The following SENP5 variants were observed in gnomAD, a reference collection of about 807,000 sequenced individuals.
The protein encoded by SENP5 is SUMO specific peptidase 5, also known as sentrin-specific protease 5.
SENP5 carries 21 observed loss-of-function variants against 74.2 expected under a neutral mutation model. That is an observed-to-expected ratio of 0.28 (90% CI 0.20 to 0.41). The LOEUF (loss-of-function observed/expected upper bound fraction) is 0.41, where lower values mean the gene tolerates loss of function less well. Among genes scored for constraint, SENP5 ranks in the 10% least tolerant of loss-of-function variants. SENP5 has a pLI of 1.00. For missense variants in SENP5, 717 were observed against 889.1 expected, an observed-to-expected ratio of 0.81 and a Z score of 2.46; for synonymous variants, 311 against 312.7, an observed-to-expected ratio of 0.99 and a Z score of 0.06.
chr3:196,933,299 AGC>A lies in SENP5; in HGVS notation c.*2377_*2378del, dbSNP rs1716116480. On this transcript the variant is annotated 3_prime_UTR_variant, in exon 10 of 10. Transcript: ENST00000323460. ...CCAAAGTGCTGGGATTACAGGCGGG[AGC>A]CACCGTGCCTGGCCAATGTTAAGTA... is the stretch of plus-strand genomic sequence containing the variant. 6.6e-6 allele frequency: 1 copy of A among 151,978 alleles called. No homozygotes were observed. Among genetic ancestry groups the A allele is most frequent in the African/African-American group, 2.4e-5 (1 of 41,380 alleles). The allele number at this position is 151,978 out of a possible 1,614,324, so 9.4% of individuals were successfully genotyped here.
intron 9 of SENP5, among the ~76,000 whole-genome samples, chr3:196,929,946 C>G (rs897002345): frequency 6.7e-6 from 1 of 148,652 alleles, no homozygotes; most frequent in Non-Finnish European, 1.5e-5. Context: ...ACATTGGAGA[C>G]TGACTTGAAT....
intron 7 of SENP5, 121 bp from the exon 8 acceptor site, chr3:196,927,675 G>T: frequency 1.9e-6 from 1 of 538,268 alleles, no homozygotes; most frequent in South Asian, 2.6e-5. Flanking sequence ...GCTTCTTAAT[G>T]CATATTCTGC....
At chr3:196,903,748 T>G in intron 6 of SENP5, 138 bp downstream of exon 6, 1 of 557,904 alleles carries the variant, frequency 1.8e-6, no homozygotes, top group Non-Finnish European at 3.1e-6. Context: ...TTAAATTTGT[T>G]TCTTTTAAAT....
At chr3:196,889,716 C>G (rs1446493173) in intron 2 of SENP5, among the ~76,000 whole-genome samples, 1 of 152,138 alleles carries the variant, frequency 6.6e-6, no homozygotes. Context: ...TCTTCATACT[C>G]ACAAATGAGG....
intron 6 of SENP5, among the ~76,000 whole-genome samples, chr3:196,916,994 C>T (rs542100534): frequency 1.0e-3 from 157 of 151,922 alleles, no homozygotes; most frequent in Non-Finnish European, 1.9e-3. Flanking sequence ...ATTAGCCGGG[C>T]GTGGTGACAC....
At chr3:196,868,669 A>T (rs7433185) in intron 1 of SENP5, among the ~76,000 whole-genome samples, 1 of 152,030 alleles carries the variant, frequency 6.6e-6, no homozygotes, top group African/African-American at 2.4e-5. Context: ...GTGAAATCCT[A>T]CCCTGCTCTC....
At chr3:196,917,358 T>G (rs1217719197) in intron 6 of SENP5, among the ~76,000 whole-genome samples, 1 of 151,882 alleles carries the variant, frequency 6.6e-6, no homozygotes, top group Non-Finnish European at 1.5e-5. Context: ...GAGTTATTGG[T>G]CTTAAAGAGG....
At chr3:196,894,116 G>GT (rs34480422) in intron 2 of SENP5, among the ~76,000 whole-genome samples, 1,443 of 93,180 alleles carry the variant, frequency 0.015, 62 homozygotes, top group African/African-American at 0.043. Context: ...TATTAATGTG[G>GT]TTTTTTTTTT....
chr3:196,925,019 A>T (rs529138072), intron 7 of SENP5, among the ~76,000 whole-genome samples: 7 of 152,348 alleles, frequency 4.6e-5, no homozygotes, highest in Non-Finnish European at 8.8e-5. Context: ...ACACAAATAC[A>T]TGCAGGTGTA....
chr3:196,906,665 T>C (rs185275572), intron 6 of SENP5, among the ~76,000 whole-genome samples: 1 of 152,250 alleles, frequency 6.6e-6, no homozygotes, highest in East Asian at 1.9e-4. Flanking sequence ...GGTAGAAGAA[T>C]GGGAAAAGGC....
In SENP5 at chr3:196,869,844, C is replaced by CT. The variant is rs10559181; in HGVS notation, c.-32+1786dup. ...GGGCTATATTACTTTCTAAATCAGC[C>CT]TTTTTTTTTTTTTTTGGTAGGCCAT... On this transcript the variant is annotated intron_variant, in intron 1 of 9. Coordinates refer to ENST00000323460, the MANE Select transcript of SENP5 (RefSeq NM_152699.5). 6.3e-3 allele frequency among the ~76,000 whole-genome samples: 826 copies of CT among 131,398 alleles called. 4 individuals carry two copies. Among genetic ancestry groups the CT allele is most frequent in the Non-Finnish European group, 9.9e-3 (629 of 63,714 alleles). 86.2% of individuals were successfully genotyped at this position (131,398 alleles called of 152,430 possible).
In SENP5 at chr3:196,931,104, A is replaced by C. The variant is rs1560164315; in HGVS notation, c.*181A>C. On this transcript the variant is annotated 3_prime_UTR_variant, in exon 10 of 10. Coordinates refer to ENST00000323460, the MANE Select transcript of SENP5 (RefSeq NM_152699.5). ...CTCCAGCTACCATGTACTATTGTTT[A>C]ATGTTCAGTTTGGTTTCATTTTTAA... is the stretch of plus-strand genomic sequence containing the variant. 8 of 571,548 alleles carry C rather than the reference A, an allele frequency of 1.4e-5. No homozygotes were observed. The highest frequency in any genetic ancestry group is 2.5e-5 in the Non-Finnish European group (8 of 319,374). The allele number at this position is 571,548 out of a possible 1,614,324, so 35.4% of individuals were successfully genotyped here.
chr3:196,910,304 T>C (rs1288152215), intron 6 of SENP5, among the ~76,000 whole-genome samples: 1 of 150,324 alleles, frequency 6.7e-6, no homozygotes, highest in Non-Finnish European at 1.5e-5. Flanking sequence ...AGAACCAGTA[T>C]CTTGAAAATG....
At chr3:196,890,282 A>T (rs905294301) in intron 2 of SENP5, among the ~76,000 whole-genome samples, 4 of 152,236 alleles carry the variant, frequency 2.6e-5, no homozygotes, top group Non-Finnish European at 5.9e-5. Flanking sequence ...AATGAGTACA[A>T]TAGATAATCC....
chr3:196,880,333 C>A (rs190221583), intron 1 of SENP5, among the ~76,000 whole-genome samples: 2 of 152,264 alleles, frequency 1.3e-5, no homozygotes, highest in East Asian at 3.9e-4. Flanking sequence ...CTTCTGTCTC[C>A]GCCTCCCACG....
intron 2 of SENP5, among the ~76,000 whole-genome samples, chr3:196,889,642 T>C (rs1013581657): frequency 2.0e-5 from 3 of 152,332 alleles, no homozygotes; most frequent in Admixed American, 1.3e-4. Context: ...AGTAAGCTCA[T>C]GGACTCTCTT....
Position 196,914,605 on chromosome 3 carries a change from A to ATGTATG in SENP5, c.1885-8808_1885-8807insGTATGT, listed in dbSNP as rs1553825412. 3.7e-3 allele frequency: 447 copies of ATGTATG among 122,440 alleles called. 6 individuals carry two copies. The highest frequency in any genetic ancestry group is 0.012 in the African/African-American group (361 of 30,696). 7.6% of individuals were successfully genotyped at this position (122,440 alleles called of 1,614,324 possible). A position where few individuals can be genotyped will look rare whatever the true frequency, so the allele number is the denominator to read the frequency against. ...AAAAAAAATATATATATATATATAT[A>ATGTATG]TATATATGTCTACACACACATACAT... On this transcript the variant is annotated intron_variant, in intron 6 of 9. Coordinates refer to ENST00000323460, the MANE Select transcript of SENP5 (RefSeq NM_152699.5).
At chr3:196,909,937 CA>C (rs1255413225) in intron 6 of SENP5, among the ~76,000 whole-genome samples, 3 of 152,056 alleles carry the variant, frequency 2.0e-5, no homozygotes, top group African/African-American at 7.2e-5. Context: ...ACAGGGTATT[CA>C]GATAGAAAGA....
In SENP5 at chr3:196,872,792, G is replaced by A. The variant is rs541691111; in HGVS notation, c.-32+4719G>A. On this transcript the variant is annotated intron_variant, in intron 1 of 9. Coordinates refer to ENST00000323460, the MANE Select transcript of SENP5 (RefSeq NM_152699.5). ...TGGCCACATTTGCCCAGAGGCTACC[G>A]TATTGGGCAGAGCAGATATAGAATA... Among the ~76,000 whole-genome samples, 6 of 152,276 alleles carry A rather than the reference G, an allele frequency of 3.9e-5. No individual in the cohort carries two copies. In the East Asian group the frequency reaches 5.8e-4, roughly 15 times the overall value.
Sources: allele counts gnomAD v4.1 joint callset (sites outside exome capture counted in the v4.1 genomes callset), GRCh38; gene constraint gnomAD v4.1.1; transcripts MANE v1.5; gene names NCBI Gene and HGNC (gene_info 2026-07-23, HGNC 2026-07-21).